DACT2: variants seen among roughly 807,000 people sequenced by gnomAD.
DACT2 encodes the protein dishevelled binding antagonist of beta catenin 2.
DACT2 carries 20 observed loss-of-function variants against 22.2 expected under a neutral mutation model. The observed-to-expected ratio is 0.90, with a 90% CI of 0.63 to 1.31. DACT2 has a LOEUF of 1.31. Ranked by LOEUF, DACT2 falls within the 50% of genes most tolerant of loss-of-function variation. The pLI, the probability that DACT2 is intolerant of heterozygous loss-of-function variation, is 0.00. For synonymous variants in DACT2, 463 were observed against 479.8 expected, an observed-to-expected ratio of 0.96 and a Z score of 0.46; for missense variants, 1,048 against 1,061.4, an observed-to-expected ratio of 0.99 and a Z score of 0.18.
chr6:168,294,666 G>C (rs559749558), exon 4 of DACT2: 13 of 1,495,656 alleles, frequency 8.7e-6, no homozygotes, highest in Non-Finnish European at 1.2e-5. Flanking sequence ...CCTGCAGGCG[G>C]AGCATGCATG....
rs972097843 is a variant in DACT2 at position 168,318,960 on chromosome 6, AG to A, written c.246+427del. Among the ~76,000 whole-genome samples the A allele has an allele frequency of 3.5e-5, 3 of 85,466 alleles. No individual in the cohort carries two copies. In the Admixed American group the frequency reaches 3.9e-4, roughly 11 times the overall value. 56.1% of individuals were successfully genotyped at this position (85,466 alleles called of 152,430 possible). The stretch of plus-strand genomic sequence containing the variant: ...ACTGTTGCCCCTAACCCAAGACAGC[AG>A]GGGGGACCTGGTCCCCGGGGGGGGA... On this transcript the variant is annotated intron_variant, in intron 1 of 3. Coordinates refer to ENST00000366795, the MANE Select transcript of DACT2 (RefSeq NM_214462.5).
At position 168,307,665 on chromosome 6, in the gene DACT2, C is replaced by CA; in HGVS notation, c.2091dup (p.Glu698Ter). The stretch of plus-strand genomic sequence containing the variant: ...CCCTCCTCGTCGCTGCTGCTGGACT[C>CA]ACGGTCTCCGAATCGGTTGGTGGTG... On this transcript the variant is annotated frameshift_variant, in exon 4 of 4. Coordinates refer to ENST00000366795, the MANE Select transcript of DACT2 (RefSeq NM_214462.5). LOFTEE classifies it low-confidence loss of function (END_TRUNC). This position sits in a 1 kb window ranked among gnomAD's most constrained non-coding sequence, Gnocchi z 5.3. 2 of 1,549,274 alleles carry CA rather than the reference C, an allele frequency of 1.3e-6. No individual in the cohort carries two copies. Among genetic ancestry groups the CA allele is most frequent in the Non-Finnish European group, 1.7e-6 (2 of 1,145,720 alleles).
chr6:168,293,154 G>A (rs1328150355), exon 6 of DACT2: 1 of 152,188 alleles, frequency 6.6e-6, no homozygotes, highest in Non-Finnish European at 1.5e-5. Context: ...TGTGCCAGGT[G>A]CTTTGGAGCT....
intron 3 of DACT2, chr6:168,300,610 GA>G (rs1355594833): frequency 6.6e-6 from 1 of 152,148 alleles, no homozygotes; most frequent in Non-Finnish European, 1.5e-5. Context: ...AAGAAAAACA[GA>G]AATAAAGTGG....
downstream of DACT2, chr6:168,306,794 A>T: frequency 1.3e-6 from 1 of 778,096 alleles, no homozygotes; most frequent in Non-Finnish European, 1.6e-6. Flanking sequence ...GTCTCTACTC[A>T]CTTATAAGAT....
chr6:168,293,968 A>G (rs915816877), intron 5 of DACT2: 21 of 703,278 alleles, frequency 3.0e-5, no homozygotes, highest in Non-Finnish European at 4.9e-5. Context: ...CAGGGATGAC[A>G]GAGATTACTT....
intron 1 of DACT2, among the ~76,000 whole-genome samples, chr6:168,315,092 C>T (rs1215974206): frequency 6.6e-6 from 1 of 152,212 alleles, no homozygotes; most frequent in Non-Finnish European, 1.5e-5. Flanking sequence ...CTTGCTCCTG[C>T]AGCATGGAAT....
intron 3 of DACT2, chr6:168,294,844 A>G: frequency 2.6e-6 from 1 of 384,552 alleles, no homozygotes. Flanking sequence ...AAGACAAACA[A>G]CAGAATTCAT....
chr6:168,309,779 T>A (rs1779346959), intron 3 of DACT2, among the ~76,000 whole-genome samples: 1 of 152,250 alleles, frequency 6.6e-6, no homozygotes, highest in African/African-American at 2.4e-5. Flanking sequence ...GGAGACAGTC[T>A]GAAGACAACT....
chr6:168,318,393 G>C (rs986536463), intron 1 of DACT2, among the ~76,000 whole-genome samples: 6 of 152,260 alleles, frequency 3.9e-5, no homozygotes, highest in African/African-American at 1.4e-4. Context: ...ATCCAGAAGG[G>C]TTTGCTATGT....
chr6:168,312,329 C>T (rs925418337), intron 1 of DACT2, among the ~76,000 whole-genome samples: 5 of 151,920 alleles, frequency 3.3e-5, no homozygotes, highest in African/African-American at 9.7e-5. Flanking sequence ...CCCAAGTATC[C>T]GGGACTGCAG....
downstream of DACT2, among the ~76,000 whole-genome samples, chr6:168,303,120 T>C (rs1032516892): frequency 8.5e-5 from 13 of 152,236 alleles, no homozygotes; most frequent in Non-Finnish European, 1.6e-4. Flanking sequence ...ATTAAATACA[T>C]ACTTGACCCG....
intron 1 of DACT2, among the ~76,000 whole-genome samples, chr6:168,313,322 C>T (rs1419457543): frequency 6.6e-6 from 1 of 152,210 alleles, no homozygotes; most frequent in Non-Finnish European, 1.5e-5. Context: ...GGATTACAGG[C>T]ATGAGCCACC....
downstream of DACT2, among the ~76,000 whole-genome samples, chr6:168,304,646 C>T (rs1779167665): frequency 6.6e-6 from 1 of 152,234 alleles, no homozygotes; most frequent in African/African-American, 2.4e-5. Flanking sequence ...CACCCCTTGC[C>T]CCTACTGTGG....
intron 3 of DACT2, among the ~76,000 whole-genome samples, chr6:168,296,805 G>C (rs556408094): frequency 1.2e-4 from 19 of 152,284 alleles, no homozygotes; most frequent in African/African-American, 4.1e-4. Flanking sequence ...CCCTAAATAT[G>C]ATGACATTGA....
In DACT2 at chr6:168,308,192, T is replaced by C; in HGVS notation, c.1565A>G (p.Glu522Gly). The C allele has an allele frequency of 1.3e-6, 2 of 1,551,444 alleles. No individual in the cohort carries two copies. The highest frequency in any genetic ancestry group is 2.0e-5 in the Admixed American group (1 of 50,992). Residue 522 changes from glutamate to glycine, a missense_variant, in exon 4 of 4, where the codon GAG becomes GGG. By Grantham distance (98) the Glu-to-Gly change is moderately conservative (BLOSUM62 -2). Coordinates refer to ENST00000366795, the MANE Select transcript of DACT2 (RefSeq NM_214462.5). ...RQPLLLLDRP[E>G]GAHAAPQPSL... is the part of the protein sequence containing the mutation. ...TGGCTGGGGGGCTGCATGGGCTCCC[T>C]CAGGCCTGTCCAGTAGAAGCAGCGG...
Position 168,309,093 on chromosome 6 carries a change from G to T in DACT2, c.664C>A (p.Leu222Ile), listed in dbSNP as rs1252368867. Residue 222 changes from leucine to isoleucine, a missense_variant, in exon 4 of 4, where the codon CTT becomes ATT. Leu to Ile is a conservative substitution (Grantham distance 5, BLOSUM62 2). Coordinates refer to ENST00000366795, the MANE Select transcript of DACT2 (RefSeq NM_214462.5). Reference sequence around the variant, plus strand: ...GTGTCCGCCGGCAGGGCTCTGTCAAGATCACCTGGGAGCGAGAAAAATGAA... The same window carrying T: ...GTGTCCGCCGGCAGGGCTCTGTCAATATCACCTGGGAGCGAGAAAAATGAA... ...FWPRPVSTGD[L>I]DRALPADTGL... The T allele has an allele frequency of 1.3e-6, 2 of 1,520,868 alleles. No homozygotes were observed. Among genetic ancestry groups the T allele is most frequent in the Non-Finnish European group, 1.8e-6 (2 of 1,136,098 alleles). The allele number at this position is 1,520,868 out of a possible 1,614,324, so 94.2% of individuals were successfully genotyped here. A position where few individuals can be genotyped will look rare whatever the true frequency, so the allele number is the denominator to read the frequency against.
At chr6:168,313,805 GCC>G (rs1478405281) in intron 1 of DACT2, among the ~76,000 whole-genome samples, 1 of 152,014 alleles carries the variant, frequency 6.6e-6, no homozygotes, top group African/African-American at 2.4e-5. Context: ...CCCCGTTCCC[GCC>G]CCCGTGTCTG....
At chr6:168,311,597 T>TCACACACAAACACACACACCCATCCAC (rs1554271725) in intron 1 of DACT2, among the ~76,000 whole-genome samples, 4 of 100,554 alleles carry the variant, frequency 4.0e-5, no homozygotes, top group Admixed American at 1.8e-4. Flanking sequence ...CACACACACA[T>TCACACACAAACACACACACCCATCCAC]ACACACACAC....
Sources: allele counts gnomAD v4.1 joint callset (sites outside exome capture counted in the v4.1 genomes callset), GRCh38; gene constraint gnomAD v4.1.1; non-coding constraint Gnocchi (gnomAD v3.1); transcripts MANE v1.5; gene names NCBI Gene and HGNC (gene_info 2026-07-23, HGNC 2026-07-21).